Variants in FUT8 observed in about 807,000 individuals in gnomAD.
The protein encoded by FUT8 is alpha-(1,6)-fucosyltransferase.
In FUT8, 29 loss-of-function variants were observed where a neutral mutation model predicts 71.3. The observed-to-expected ratio is 0.41, with a 90% CI of 0.30 to 0.55. The LOEUF (loss-of-function observed/expected upper bound fraction) is 0.55. FUT8 is among the 20% of genes least tolerant of loss of function. FUT8 has a pLI of 0.34. For synonymous variants in FUT8, 254 were observed against 239.3 expected (o/e 1.06, Z -0.57); for missense variants, 544 against 702.1 (o/e 0.77, Z 2.55).
chr14:65,678,335 C>T (rs1396495531), intron 7 of FUT8, among the ~76,000 whole-genome samples: 1 of 152,164 alleles, frequency 6.6e-6, no homozygotes, highest in Non-Finnish European at 1.5e-5. Flanking sequence ...GGATCATTCT[C>T]CACTTCTGTT....
At chr14:65,531,525 T>C (rs561982104) in intron 2 of FUT8, among the ~76,000 whole-genome samples, 2 of 152,242 alleles carry the variant, frequency 1.3e-5, no homozygotes, top group East Asian at 3.9e-4. Flanking sequence ...TCTGAAGAGA[T>C]GAGGGTCAGG....
chr14:65,431,436 A>G (rs2065473301), intron 1 of FUT8, among the ~76,000 whole-genome samples: 1 of 151,086 alleles, frequency 6.6e-6, no homozygotes, highest in African/African-American at 2.4e-5. Context: ...TAGCCTCTGG[A>G]GTAGCTGGGA....
Position 65,721,520 on chromosome 14 carries a change from G to A in FUT8, c.836-255G>A, listed in dbSNP as rs952286602. Among the ~76,000 whole-genome samples, 6 of 152,278 alleles carry A rather than the reference G, an allele frequency of 3.9e-5. 1 individual carries two copies. The South Asian group carries it at 1.2e-3, about 32-fold the overall frequency. On this transcript the variant is annotated intron_variant, in intron 7 of 10. Transcript: ENST00000673929. ...GAGTTCTGCATACCATGAGGTGTTG[G>A]TATGATAGCATGTTATGATAGAAAC...
chr14:65,741,395 A>G (rs115282496), intron 10 of FUT8, among the ~76,000 whole-genome samples: 4,453 of 152,038 alleles, frequency 0.029, 215 homozygotes, highest in African/African-American at 0.1. Flanking sequence ...ATTGTCAGTA[A>G]TTACATGAAT....
chr14:65,674,663 T>C (rs560481981), intron 7 of FUT8, among the ~76,000 whole-genome samples: 4 of 152,218 alleles, frequency 2.6e-5, no homozygotes, highest in Non-Finnish European at 5.9e-5. Context: ...ACTCATAGAG[T>C]CTCTCCGCAG....
At chr14:65,721,155 T>C (rs1193431378) in intron 7 of FUT8, among the ~76,000 whole-genome samples, 1 of 151,918 alleles carries the variant, frequency 6.6e-6, no homozygotes, top group African/African-American at 2.4e-5. Context: ...TTTGTGTAGA[T>C]AGTTGTTAAA....
chr14:65,650,021 G>A (rs1891288083), intron 6 of FUT8, among the ~76,000 whole-genome samples: 1 of 152,084 alleles, frequency 6.6e-6, no homozygotes, highest in African/African-American at 2.4e-5. Context: ...ACCTGGCTGG[G>A]TGCGGTGGCT....
At chr14:65,392,280 A>G in the FUT8 span, among the ~76,000 whole-genome samples, 5 of 152,228 alleles carry the variant, frequency 3.3e-5, no homozygotes, top group Non-Finnish European at 7.3e-5. Flanking sequence ...GCTAACTTAA[A>G]AGAAGGACTT....
chr14:65,738,396 A>G (rs1233600802), intron 10 of FUT8, among the ~76,000 whole-genome samples: 1 of 152,062 alleles, frequency 6.6e-6, no homozygotes, highest in Non-Finnish European at 1.5e-5. Flanking sequence ...TGAAATTCAG[A>G]CTAATGGATT....
At chr14:65,611,994 C>T (rs191982426) in intron 3 of FUT8, among the ~76,000 whole-genome samples, 8 of 152,282 alleles carry the variant, frequency 5.3e-5, no homozygotes, top group Admixed American at 6.5e-5. Flanking sequence ...TATATCTTCC[C>T]TGTCTCTAAC....
chr14:65,401,395 T>C, the FUT8 span, among the ~76,000 whole-genome samples: 6 of 152,142 alleles, frequency 3.9e-5, no homozygotes, highest in South Asian at 2.1e-4. Context: ...TTGAAGTAGT[T>C]TGGACCAAAG....
intron 2 of FUT8, among the ~76,000 whole-genome samples, chr14:65,546,164 C>G (rs1450576939): frequency 6.6e-6 from 1 of 151,756 alleles, no homozygotes; most frequent in Non-Finnish European, 1.5e-5. Flanking sequence ...TTTCTTAAAT[C>G]TATATCCTCA....
chr14:65,488,574 T>C (rs2066441673), intron 2 of FUT8: 1 of 152,248 alleles, frequency 6.6e-6, no homozygotes, highest in Admixed American at 6.5e-5. Flanking sequence ...GAGGTACATT[T>C]TGACTACAGG....
the FUT8 span, among the ~76,000 whole-genome samples, chr14:65,399,722 G>A: frequency 1.3e-5 from 2 of 152,154 alleles, no homozygotes; most frequent in Admixed American, 1.3e-4. Flanking sequence ...ATAAGGCCAA[G>A]GAAGGAAAAA....
intron 5 of FUT8, among the ~76,000 whole-genome samples, chr14:65,619,331 G>T (rs1425890303): frequency 6.6e-6 from 1 of 152,084 alleles, no homozygotes; most frequent in African/African-American, 2.4e-5. Context: ...GTGAGCTGTG[G>T]GGGTAAGACT....
intron 1 of FUT8, among the ~76,000 whole-genome samples, chr14:65,427,631 C>A (rs917329287): frequency 6.6e-6 from 1 of 152,026 alleles, no homozygotes; most frequent in Non-Finnish European, 1.5e-5. Flanking sequence ...TATTTGTTTT[C>A]TTGCTATTGA....
intron 2 of FUT8, among the ~76,000 whole-genome samples, chr14:65,532,424 G>T (rs142177073): frequency 7.9e-5 from 12 of 152,150 alleles, no homozygotes; most frequent in Admixed American, 7.2e-4. Context: ...CTTGTTGGCT[G>T]TATATATGTC....
At chr14:65,602,012 G>C (rs1188755625) in intron 3 of FUT8, among the ~76,000 whole-genome samples, 2 of 151,728 alleles carry the variant, frequency 1.3e-5, no homozygotes, top group East Asian at 3.9e-4. Flanking sequence ...GTTTTTGGAG[G>C]ACAGGTGGTA....
At chr14:65,625,085 A>C (rs967353878) in intron 5 of FUT8, among the ~76,000 whole-genome samples, 1 of 151,702 alleles carries the variant, frequency 6.6e-6, no homozygotes, top group Middle Eastern at 3.2e-3. Flanking sequence ...AAATAAATAA[A>C]TAAATAAATA....
Sources: gnomAD v4.1 joint callset for allele counts (sites outside exome capture counted in the v4.1 genomes callset) on GRCh38, gnomAD v4.1.1 for gene constraint, MANE v1.5 for transcripts, NCBI Gene and HGNC (gene_info 2026-07-23, HGNC 2026-07-21) for gene names.